PCDHA3: variants seen among roughly 807,000 people sequenced by gnomAD.
PCDHA3 encodes the protein protocadherin alpha 3.
In PCDHA3, 41 loss-of-function variants were observed where a neutral mutation model predicts 62.2. The ratio of observed to expected loss-of-function variants is 0.66; its 90% CI spans 0.51 to 0.86. The LOEUF (loss-of-function observed/expected upper bound fraction) is 0.86, where lower values mean the gene tolerates loss of function less well. Ranked by LOEUF, PCDHA3 falls within the 40% of genes least tolerant of loss-of-function variation. The pLI is 0.00. For synonymous variants in PCDHA3, 640 were observed against 555.4 expected (o/e 1.15, Z -2.14); for missense variants, 1,304 against 1,241.2 (o/e 1.05, Z -0.76).
rs782547925 is a variant in PCDHA3, at chr5:140,967,973, G to A, written c.2395-10976G>A. 4 of 1,614,170 alleles carry A rather than the reference G, an allele frequency of 2.5e-6. No individual in the cohort carries two copies. In the African/African-American group the frequency reaches 4.0e-5, roughly 16 times the overall value. On this transcript the variant is annotated intron_variant, in intron 1 of 3. Coordinates refer to ENST00000522353, the MANE Select transcript of PCDHA3 (RefSeq NM_018906.3). ...AGGCCCCAACCGGAAAGTGAGCCTG[G>A]GTCTGGAGGCCACACTGCCTTTCCG... is the stretch of plus-strand genomic sequence containing the variant.
chr5:140,881,743 A>C (rs964884426), intron 1 of PCDHA3, among the ~76,000 whole-genome samples: 4 of 152,182 alleles, frequency 2.6e-5, no homozygotes, highest in African/African-American at 9.7e-5. Flanking sequence ...CAGGAAGAGG[A>C]CAGTACCACA....
At chr5:140,937,829 A>G (rs1305110198) in intron 1 of PCDHA3, among the ~76,000 whole-genome samples, 2 of 148,988 alleles carry the variant, frequency 1.3e-5, no homozygotes, top group African/African-American at 2.5e-5. Context: ...GGAGAATGGC[A>G]TGAACCTGGA....
intron 3 of PCDHA3, among the ~76,000 whole-genome samples, chr5:140,998,708 GC>G (rs1350967952): frequency 1.3e-5 from 2 of 152,024 alleles, no homozygotes; most frequent in Admixed American, 6.6e-5. Context: ...GGGATTACAA[GC>G]TTGCACCACC....
chr5:140,940,425 G>T (rs2153645742), intron 1 of PCDHA3, among the ~76,000 whole-genome samples: 1 of 152,034 alleles, frequency 6.6e-6, no homozygotes, highest in African/African-American at 2.4e-5. Flanking sequence ...AATTATTACT[G>T]ATCAAGTCTG....
At chr5:140,883,467 C>T in intron 1 of PCDHA3, 1 of 1,614,170 alleles carries the variant, frequency 6.2e-7, no homozygotes, top group Non-Finnish European at 8.5e-7. Flanking sequence ...CTGGTGTCCA[C>T]CTACAAGAAC....
In PCDHA3 at chr5:140,877,117, G is replaced by A. The variant is rs781979355; in HGVS notation, c.2394+73526G>A. The A allele has an allele frequency of 9.3e-6, 15 of 1,613,720 alleles. No homozygotes were observed. The East Asian group carries it at 1.8e-4, about 19-fold the overall frequency. ...CGGCGTGCCGCCTCTGGGCAGCAAC[G>A]TGACGCTGCAGGTGTTCGTGCTGGA... On this transcript the variant is annotated intron_variant, in intron 1 of 3. Coordinates refer to ENST00000522353, the MANE Select transcript of PCDHA3 (RefSeq NM_018906.3).
Position 140,802,322 on chromosome 5 carries a change from C to G in PCDHA3, c.1125C>G (p.Ser375=). The change falls in exon 1 of 4, where the codon TCC becomes TCG. Residue 375 remains serine, a synonymous_variant. Coordinates refer to ENST00000522353, the MANE Select transcript of PCDHA3 (RefSeq NM_018906.3). ...LSTVIALISV[S]DRDSGVNGQV... is the part of the protein sequence containing the mutation. ...CAGTCATCGCTCTGATCAGCGTGTC[C>G]GACCGCGACTCAGGAGTCAATGGAC... is the stretch of plus-strand genomic sequence containing the variant. 2 of 1,614,220 alleles carry G rather than the reference C, an allele frequency of 1.2e-6. No homozygotes were observed. The highest frequency in any genetic ancestry group is 1.1e-5 in the South Asian group (1 of 91,080).
At chr5:140,897,566 A>C (rs1461105293) in intron 1 of PCDHA3, among the ~76,000 whole-genome samples, 1 of 151,760 alleles carries the variant, frequency 6.6e-6, no homozygotes, top group Non-Finnish European at 1.5e-5. Flanking sequence ...TATGTGCCAC[A>C]TTTTCTTAAT....
At chr5:140,858,788 T>C (rs528259521) in intron 1 of PCDHA3, 5 of 390,400 alleles carry the variant, frequency 1.3e-5, no homozygotes, top group Middle Eastern at 1.4e-3. Flanking sequence ...TCATGTTATT[T>C]CATTTCCAAT....
chr5:140,807,311 G>C (rs781800843), intron 1 of PCDHA3: 3 of 1,614,084 alleles, frequency 1.9e-6, no homozygotes, highest in Non-Finnish European at 1.7e-6. Context: ...GGCCAAACAC[G>C]GCACCTTCGT....
At chr5:140,941,202 CCTTTCTTTCTTCCTTT>C (rs1307053809) in intron 1 of PCDHA3, among the ~76,000 whole-genome samples, 1 of 122,742 alleles carries the variant, frequency 8.1e-6, no homozygotes, top group Non-Finnish European at 1.8e-5. Context: ...TTTCTTTCTT[CCTTTCTTTCTTCCTTT>C]CTTTCTTTCT....
chr5:140,802,388 G>T lies in PCDHA3; in HGVS notation c.1191G>T (p.Leu397=). 1 of 1,614,230 alleles carries T rather than the reference G, an allele frequency of 6.2e-7. No homozygotes were observed. The highest frequency in any genetic ancestry group is 8.5e-7 in the Non-Finnish European group (1 of 1,180,026). Residue 397 remains leucine (L), a synonymous_variant, in exon 1 of 4, where the codon CTG becomes CTT. Transcript: ENST00000522353. ...TGACGCCCCACGTCCCCTTCAAGCT[G>T]GTGTCCACCTTCAAGAATTACTACT... ...CSLTPHVPFK[L]VSTFKNYYSL...
chr5:140,808,329 T>A (rs781960345), intron 1 of PCDHA3: 1 of 1,614,258 alleles, frequency 6.2e-7, no homozygotes, highest in South Asian at 1.1e-5. Flanking sequence ...GACATGGGTG[T>A]CAATGGGCTG....
At chr5:140,846,534 C>T (rs1554141358) in intron 1 of PCDHA3, among the ~76,000 whole-genome samples, 2 of 148,222 alleles carry the variant, frequency 1.3e-5, no homozygotes, top group African/African-American at 4.9e-5. Context: ...GCCACCATGC[C>T]CTGCTAATTT....
chr5:140,836,237 G>C (rs2150256194), intron 1 of PCDHA3: 6 of 1,613,720 alleles, frequency 3.7e-6, no homozygotes, highest in Non-Finnish European at 5.1e-6. Flanking sequence ...CGGCCGGTGC[G>C]AGCATCCCGT....
At chr5:140,861,422 T>G in intron 1 of PCDHA3, 1 of 482,430 alleles carries the variant, frequency 2.1e-6, no homozygotes, top group Admixed American at 2.1e-5. Flanking sequence ...CGCGCCTGTT[T>G]CAGTTGGATT....
At chr5:140,829,796 C>T (rs201762893) in intron 1 of PCDHA3, 5 of 1,613,774 alleles carry the variant, frequency 3.1e-6, no homozygotes, top group African/African-American at 2.7e-5. Flanking sequence ...GCTGGCGCCT[C>T]GGGTGGGTGG....
intron 1 of PCDHA3, chr5:140,816,479 TC>T (rs1765913438): frequency 1.3e-5 from 2 of 151,236 alleles, no homozygotes; most frequent in Admixed American, 1.3e-4. Context: ...TAGCTCTATT[TC>T]TTTAGGTTTG....
intron 3 of PCDHA3, among the ~76,000 whole-genome samples, chr5:140,998,586 CAG>C (rs1340236276): frequency 1.4e-5 from 2 of 147,292 alleles, no homozygotes; most frequent in African/African-American, 5.1e-5. Context: ...TTTTTTGAGA[CAG>C]AGTTTTGCTC....
Sources: allele counts gnomAD v4.1 joint callset (sites outside exome capture counted in the v4.1 genomes callset), GRCh38; gene constraint gnomAD v4.1.1; transcripts MANE v1.5; gene names NCBI Gene and HGNC (gene_info 2026-07-23, HGNC 2026-07-21).